The following NAV2 variants were observed in gnomAD, a reference collection of about 807,000 sequenced individuals.
NAV2 encodes the protein helicase, APC down-regulated 1.
NAV2 carries 54 observed loss-of-function variants against 223.2 expected under a neutral mutation model. The ratio of observed to expected loss-of-function variants is 0.24; its 90% CI spans 0.19 to 0.30. The LOEUF is 0.30. Ranked by LOEUF, NAV2 falls within the 10% of genes least tolerant of loss-of-function variation. NAV2 has a pLI of 1.00. For synonymous variants in NAV2, 1,279 were observed against 1,239.3 expected (o/e 1.03, Z -0.67); for missense variants, 2,806 against 3,147.5 (o/e 0.89, Z 2.60).
chr11:19,532,151 G>A (rs565242474), intron 1 of NAV2, among the ~76,000 whole-genome samples: 1 of 152,322 alleles, frequency 6.6e-6, no homozygotes, highest in South Asian at 2.1e-4. Flanking sequence ...CGAGCCCAGT[G>A]GAAAGTTGGG....
intron 31 of NAV2, among the ~76,000 whole-genome samples, chr11:20,098,128 ACT>A (rs914107557): frequency 2.0e-5 from 3 of 152,056 alleles, no homozygotes; most frequent in Non-Finnish European, 4.4e-5. Flanking sequence ...TGTAGGAGTC[ACT>A]CTGAGCATCC....
At chr11:19,472,544 C>G (rs978270143) in intron 1 of NAV2, among the ~76,000 whole-genome samples, 2 of 152,138 alleles carry the variant, frequency 1.3e-5, no homozygotes, top group South Asian at 2.1e-4. Flanking sequence ...AGTAGCCTCA[C>G]GCTGTCAGGC....
chr11:19,658,791 T>C (rs1183735214), intron 1 of NAV2, among the ~76,000 whole-genome samples: 1 of 152,060 alleles, frequency 6.6e-6, no homozygotes, highest in Non-Finnish European at 1.5e-5. Context: ...AATCAGAAAA[T>C]TCTACAAAGC....
intron 1 of NAV2, among the ~76,000 whole-genome samples, chr11:19,733,670 A>G (rs1211669094): frequency 2.0e-5 from 3 of 152,138 alleles, no homozygotes; most frequent in African/African-American, 7.2e-5. Flanking sequence ...ATATGGGGAG[A>G]GGAAAGAGGG....
At chr11:19,724,491 G>T (rs2051065158) in intron 1 of NAV2, among the ~76,000 whole-genome samples, 1 of 152,178 alleles carries the variant, frequency 6.6e-6, no homozygotes, top group African/African-American at 2.4e-5. Context: ...GGCATTACAG[G>T]TGTGAGCCAC....
intron 1 of NAV2, among the ~76,000 whole-genome samples, chr11:19,650,241 C>G (rs79873919): frequency 0.013 from 2,053 of 152,230 alleles, 43 homozygotes; most frequent in African/African-American, 0.047. Flanking sequence ...TGGAGACAGA[C>G]AGCTGCAGAG....
intron 33 of NAV2, 36 bp from the exon 34 acceptor site, chr11:20,103,617 G>A (rs772883100): frequency 2.5e-6 from 4 of 1,608,498 alleles, no homozygotes; most frequent in Admixed American, 1.7e-5. Flanking sequence ...GCTTGGCTTG[G>A]AATCACAGCT....
chr11:19,443,239 C>T (rs1310058913), intron 1 of NAV2, among the ~76,000 whole-genome samples: 3 of 152,204 alleles, frequency 2.0e-5, no homozygotes, highest in Non-Finnish European at 4.4e-5. Flanking sequence ...AGGCCTTATC[C>T]TTGCTGAGTT....
At chr11:19,544,994 C>T (rs574972521) in intron 1 of NAV2, among the ~76,000 whole-genome samples, 1 of 152,232 alleles carries the variant, frequency 6.6e-6, no homozygotes. Flanking sequence ...ATGTCCCACT[C>T]TCCACCTCTC....
chr11:19,355,519 T>A (rs1853568692), intron 1 of NAV2, among the ~76,000 whole-genome samples: 1 of 152,194 alleles, frequency 6.6e-6, no homozygotes, highest in Non-Finnish European at 1.5e-5. Context: ...TTTTTATTAA[T>A]GGCATTCCCA....
chr11:19,909,332 G>A lies in NAV2; in HGVS notation c.931+16738G>A, dbSNP rs560802470. Reference sequence around the variant, plus strand: ...GCCCCATTCCAGGAGTACCCAGGCAGTAAACAGAGCATTGACGCAGGTAAC... The same window carrying A: ...GCCCCATTCCAGGAGTACCCAGGCAATAAACAGAGCATTGACGCAGGTAAC... On this transcript the variant is annotated intron_variant, in intron 6 of 37. Coordinates refer to ENST00000349880, the MANE Select transcript of NAV2 (RefSeq NM_145117.5). 3.3e-5 allele frequency among the ~76,000 whole-genome samples: 5 copies of A among 152,266 alleles called. No homozygotes were observed. In the South Asian group the frequency reaches 1.0e-3, roughly 32 times the overall value.
chr11:19,784,682 A>G (rs1270429974), intron 1 of NAV2, among the ~76,000 whole-genome samples: 5 of 152,168 alleles, frequency 3.3e-5, no homozygotes, highest in Non-Finnish European at 7.3e-5. Flanking sequence ...AAGAGATAGT[A>G]TGGTGTCAGA....
At position 19,969,900 on chromosome 11, in the gene NAV2, A is replaced by T. The variant is rs549139456; in HGVS notation, c.2646-14225A>T. Among the ~76,000 whole-genome samples, 16 of 151,756 alleles carry T rather than the reference A, an allele frequency of 1.1e-4. No individual in the cohort carries two copies. The East Asian group carries it at 3.1e-3, about 30-fold the overall frequency. ...GGCGGAGCTTGCAGTGAGCCGAGAT[A>T]GCACCACTGCACTCCAGCCTTGGTG... On this transcript the variant is annotated intron_variant, in intron 10 of 37. Coordinates refer to ENST00000349880, the MANE Select transcript of NAV2 (RefSeq NM_145117.5).
chr11:20,043,477 G>A (rs915376152), intron 12 of NAV2, among the ~76,000 whole-genome samples: 24 of 151,540 alleles, frequency 1.6e-4, no homozygotes, highest in African/African-American at 5.8e-4. Context: ...AGACAGTCTC[G>A]CCCTGTCATC....
intron 5 of NAV2, among the ~76,000 whole-genome samples, chr11:19,889,468 C>T (rs957720842): frequency 3.3e-5 from 5 of 151,652 alleles, no homozygotes; most frequent in East Asian, 1.9e-4. Flanking sequence ...AGTGTAGAGG[C>T]GATAGTGGTC....
At chr11:19,892,087 T>C (rs994328296) in intron 5 of NAV2, among the ~76,000 whole-genome samples, 4 of 152,294 alleles carry the variant, frequency 2.6e-5, no homozygotes, top group African/African-American at 9.6e-5. Flanking sequence ...GCTTCCCAAT[T>C]AGCTGGGATT....
chr11:19,908,533 G>A (rs1233940452), intron 6 of NAV2, among the ~76,000 whole-genome samples: 3 of 152,148 alleles, frequency 2.0e-5, no homozygotes, highest in Non-Finnish European at 4.4e-5. Context: ...AATAGCCTAC[G>A]CTCTGTGCTG....
At chr11:19,545,954 T>A (rs1414795132) in intron 1 of NAV2, among the ~76,000 whole-genome samples, 2 of 152,222 alleles carry the variant, frequency 1.3e-5, no homozygotes, top group African/African-American at 4.8e-5. Flanking sequence ...TATGCAGTTA[T>A]AATTGCAGAG....
chr11:19,964,395 T>G (rs1245801759), intron 10 of NAV2, among the ~76,000 whole-genome samples: 1 of 152,142 alleles, frequency 6.6e-6, no homozygotes, highest in Non-Finnish European at 1.5e-5. Context: ...TTAATAATAA[T>G]GACCATTGTA....
Sources: allele counts gnomAD v4.1 joint callset (sites outside exome capture counted in the v4.1 genomes callset), GRCh38; gene constraint gnomAD v4.1.1; transcripts MANE v1.5; gene names NCBI Gene and HGNC (gene_info 2026-07-23, HGNC 2026-07-21).